The following NUP153 variants were observed in gnomAD, a reference collection of about 807,000 sequenced individuals.
NUP153 encodes nucleoporin 153, also known as nuclear pore complex protein Nup153.
In NUP153, 27 loss-of-function variants were observed where a neutral mutation model predicts 134.6. That is an observed-to-expected ratio of 0.20 (90% CI 0.15 to 0.28). The LOEUF (loss-of-function observed/expected upper bound fraction) is 0.28, where lower values mean the gene tolerates loss of function less well. Among genes scored for constraint, NUP153 ranks in the 10% least tolerant of loss-of-function variants. NUP153 has a pLI of 1.00. For missense variants in NUP153, 1,821 were observed against 1,731.3 expected, an observed-to-expected ratio of 1.05 and a Z score of -0.92; for synonymous variants, 640 against 623.5, an observed-to-expected ratio of 1.03 and a Z score of -0.40.
chr6:17,669,870 G>A (rs1228703757), intron 5 of NUP153, among the ~76,000 whole-genome samples: 4 of 151,800 alleles, frequency 2.6e-5, no homozygotes, highest in Admixed American at 6.6e-5. Flanking sequence ...TGAGGAGGGC[G>A]GACTGCCTGA....
At chr6:17,705,750 T>G (rs561858619) in intron 1 of NUP153, among the ~76,000 whole-genome samples, 141 of 152,196 alleles carry the variant, frequency 9.3e-4, no homozygotes, top group African/African-American at 3.0e-3. Flanking sequence ...AATTAACTCA[T>G]AGGCTGAGAC....
Position 17,669,560 on chromosome 6 carries a change from C to T in NUP153, c.853-14G>A, listed in dbSNP as rs1443537993. The T allele has an allele frequency of 6.6e-7, 1 of 1,521,844 alleles. No homozygotes were observed. Among genetic ancestry groups the T allele is most frequent in the Non-Finnish European group, 9.1e-7 (1 of 1,096,330 alleles). 94.3% of individuals were successfully genotyped at this position (1,521,844 alleles called of 1,614,324 possible). ...TCTAACTGGTGCCTGTAAAGTAAAC[C>T]CTATATTATTTGTTGCAACATAAAA... On this transcript the variant is annotated splice_polypyrimidine_tract_variant and intron_variant, in intron 5 of 21. Coordinates refer to ENST00000262077, the MANE Select transcript of NUP153 (RefSeq NM_005124.4).
At chr6:17,634,089 G>A (rs1765398348) in intron 16 of NUP153, among the ~76,000 whole-genome samples, 1 of 151,898 alleles carries the variant, frequency 6.6e-6, no homozygotes, top group African/African-American at 2.4e-5. Context: ...CTCTTCTACT[G>A]CTATTCTGGT....
intron 14 of NUP153, among the ~76,000 whole-genome samples, chr6:17,643,007 A>AG (rs982750680): frequency 1.3e-5 from 2 of 152,170 alleles, no homozygotes; most frequent in Non-Finnish European, 2.9e-5. Flanking sequence ...ACAGTTAGCT[A>AG]GGGGGAAGGC....
chr6:17,659,026 T>C (rs900519766), intron 11 of NUP153, among the ~76,000 whole-genome samples: 5 of 152,156 alleles, frequency 3.3e-5, no homozygotes, highest in Non-Finnish European at 7.3e-5. Context: ...GCAGCTGGCA[T>C]TGGTCAACCG....
At position 17,647,053 on chromosome 6, in the gene NUP153, G is replaced by A. The variant is rs532297077; in HGVS notation, c.1632+754C>T. On this transcript the variant is annotated intron_variant, in intron 13 of 21. Coordinates refer to ENST00000262077, the MANE Select transcript of NUP153 (RefSeq NM_005124.4). Reference sequence around the variant, plus strand: ...ATTACAGGCATGAGCCACCGTGCCCGGCCTCAAATGCCATTTTCTAATAAA... The same window carrying A: ...ATTACAGGCATGAGCCACCGTGCCCAGCCTCAAATGCCATTTTCTAATAAA... Among the ~76,000 whole-genome samples the A allele has an allele frequency of 8.6e-5, 13 of 151,754 alleles. No individual in the cohort carries two copies. The South Asian group carries it at 2.1e-3, about 24-fold the overall frequency.
At chr6:17,663,647 C>T (rs1357774792) in intron 9 of NUP153, among the ~76,000 whole-genome samples, 1 of 152,062 alleles carries the variant, frequency 6.6e-6, no homozygotes, top group Non-Finnish European at 1.5e-5. Flanking sequence ...ATGTTAATGA[C>T]TGGTGAATCA....
At chr6:17,646,590 A>G (rs1280973702) in intron 13 of NUP153, among the ~76,000 whole-genome samples, 1 of 152,216 alleles carries the variant, frequency 6.6e-6, no homozygotes, top group Non-Finnish European at 1.5e-5. Flanking sequence ...CACTATCTCT[A>G]AAAGTGAGAT....
At chr6:17,654,344 G>A (rs187146353) in intron 11 of NUP153, among the ~76,000 whole-genome samples, 4 of 149,632 alleles carry the variant, frequency 2.7e-5, no homozygotes, top group Non-Finnish European at 5.9e-5. Context: ...TTTTTGAGAC[G>A]GAGTTTCGAT....
At chr6:17,621,357 T>C (rs1443919148) in intron 20 of NUP153, among the ~76,000 whole-genome samples, 2 of 152,186 alleles carry the variant, frequency 1.3e-5, no homozygotes, top group Non-Finnish European at 2.9e-5. Context: ...CTACTGGCTA[T>C]TTATCCAAAG....
At chr6:17,616,276 G>GC in intron 21 of NUP153, 95 bp from the exon 22 acceptor site, 1 of 441,946 alleles carries the variant, frequency 2.3e-6, no homozygotes, top group Non-Finnish European at 4.0e-6. Flanking sequence ...GGTAAGGGGG[G>GC]TCGGGTGGGG....
At chr6:17,686,353 C>A (rs1768922144) in intron 2 of NUP153, among the ~76,000 whole-genome samples, 1 of 151,802 alleles carries the variant, frequency 6.6e-6, no homozygotes, top group African/African-American at 2.4e-5. Context: ...TTATGTAGGG[C>A]TAGGTTAATG....
chr6:17,679,753 T>C (rs916611512), intron 2 of NUP153, among the ~76,000 whole-genome samples: 21 of 152,218 alleles, frequency 1.4e-4, no homozygotes, highest in Non-Finnish European at 4.4e-5. Context: ...ATGTTACACA[T>C]GCTAACCCTG....
At chr6:17,668,551 C>T (rs1767689757) in intron 8 of NUP153, among the ~76,000 whole-genome samples, 1 of 151,994 alleles carries the variant, frequency 6.6e-6, no homozygotes, top group African/African-American at 2.4e-5. Context: ...TAGAAGAATA[C>T]TATTTTTCAG....
At chr6:17,685,729 A>G in intron 2 of NUP153, among the ~76,000 whole-genome samples, 1 of 152,156 alleles carries the variant, frequency 6.6e-6, no homozygotes, top group Non-Finnish European at 1.5e-5. Context: ...GTAAAACTAG[A>G]GCAAATACAT....
chr6:17,696,037 G>A (rs1426335159), intron 1 of NUP153, among the ~76,000 whole-genome samples: 1 of 151,414 alleles, frequency 6.6e-6, no homozygotes, highest in Non-Finnish European at 1.5e-5. Flanking sequence ...AGAAAATACT[G>A]GAACAATTTT....
At chr6:17,687,885 C>T (rs1769028611) in intron 2 of NUP153, among the ~76,000 whole-genome samples, 1 of 152,074 alleles carries the variant, frequency 6.6e-6, no homozygotes, top group Admixed American at 6.5e-5. Context: ...AAGGCTGAGG[C>T]GGATGGATCA....
chr6:17,676,387 TA>T (rs1314389640), intron 2 of NUP153, among the ~76,000 whole-genome samples: 1 of 152,228 alleles, frequency 6.6e-6, no homozygotes, highest in African/African-American at 2.4e-5. Context: ...TCTAATGATG[TA>T]TCTTTATACT....
intron 11 of NUP153, among the ~76,000 whole-genome samples, chr6:17,657,410 A>T (rs1352228438): frequency 2.0e-5 from 3 of 151,510 alleles, no homozygotes; most frequent in Non-Finnish European, 2.9e-5. Flanking sequence ...ATAAAAAAAA[A>T]AAAAATAGCT....
Sources: allele counts gnomAD v4.1 joint callset (sites outside exome capture counted in the v4.1 genomes callset), GRCh38; gene constraint gnomAD v4.1.1; transcripts MANE v1.5; gene names NCBI Gene and HGNC (gene_info 2026-07-23, HGNC 2026-07-21).